Variants in CLIP4 observed in about 807,000 individuals in gnomAD.
CLIP4 encodes CAP-Gly domain containing linker protein family member 4, also known as CAP-Gly domain-containing linker protein 4.
Under a neutral mutation model 73.1 loss-of-function variants are expected in CLIP4, and 47 were observed. That is an observed-to-expected ratio of 0.64 (90% CI 0.51 to 0.82). CLIP4 has a LOEUF of 0.82. CLIP4 is among the 40% of genes least tolerant of loss of function. The pLI is 0.00. For synonymous variants in CLIP4, 306 were observed against 295.4 expected (o/e 1.04, Z -0.37); for missense variants, 874 against 852.9 (o/e 1.02, Z -0.31).
chr2:29,108,549 A>G (rs1372085964), intron 1 of CLIP4, among the ~76,000 whole-genome samples: 2 of 152,256 alleles, frequency 1.3e-5, no homozygotes, highest in Non-Finnish European at 2.9e-5. Context: ...GGTGGATGGC[A>G]GCTAACTAAA....
At chr2:29,180,996 G>A (rs1232273661) in intron 15 of CLIP4, among the ~76,000 whole-genome samples, 1 of 152,064 alleles carries the variant, frequency 6.6e-6, no homozygotes, top group Non-Finnish European at 1.5e-5. Flanking sequence ...GAGTGCAGGG[G>A]TTAGGAGTGC....
chr2:29,118,101 A>T (rs1481617079), intron 1 of CLIP4: 1 of 152,200 alleles, frequency 6.6e-6, no homozygotes, highest in Admixed American at 6.5e-5. Context: ...ATGATGACTC[A>T]TAACAAAGTA....
chr2:29,176,013 G>A lies in CLIP4; in HGVS notation c.1796+1568G>A, dbSNP rs532642619. Among the ~76,000 whole-genome samples the A allele has an allele frequency of 2.0e-5, 3 of 152,234 alleles. No homozygotes were observed. In the East Asian group the frequency reaches 5.8e-4, roughly 29 times the overall value. ...CCTGACATCATGATCTGCCCACCTT[G>A]GCCTCCCAAAGTGTTGGGATTACAG... On this transcript the variant is annotated intron_variant, in intron 15 of 15. Transcript: ENST00000320081.
chr2:29,171,954 A>T (rs1464775815), intron 14 of CLIP4, among the ~76,000 whole-genome samples: 1 of 148,878 alleles, frequency 6.7e-6, no homozygotes, highest in East Asian at 1.9e-4. Context: ...ACTTTTTTGT[A>T]CTTAATAAGT....
chr2:29,177,741 C>T (rs1207836781), intron 15 of CLIP4, among the ~76,000 whole-genome samples: 1 of 152,182 alleles, frequency 6.6e-6, no homozygotes, highest in Non-Finnish European at 1.5e-5. Context: ...TGATTCTGTA[C>T]TGTATACAGT....
In CLIP4 at chr2:29,183,578, T is replaced by C. The variant is rs1668742278; in HGVS notation, c.*1685T>C. 1 of 152,680 alleles carries C rather than the reference T, an allele frequency of 6.5e-6. No homozygotes were observed. The highest frequency in any genetic ancestry group is 6.5e-5 in the Admixed American group (1 of 15,290). The allele number at this position is 152,680 out of a possible 1,614,324, so 9.5% of individuals were successfully genotyped here. ...TATTCATAATTTTTCCTGTTAAATATAAAACACTGTAAGTTAAAAACAGTA... is the reference window on the plus strand; with the variant it reads ...TATTCATAATTTTTCCTGTTAAATACAAAACACTGTAAGTTAAAAACAGTA... On this transcript the variant is annotated 3_prime_UTR_variant, in exon 16 of 16. Transcript: ENST00000320081.
chr2:29,165,251 T>C (rs920212446), intron 13 of CLIP4, among the ~76,000 whole-genome samples: 1 of 83,824 alleles, frequency 1.2e-5, no homozygotes, highest in African/African-American at 4.3e-5. Context: ...TGGTTTGTTC[T>C]TTCTTTCTTT....
chr2:29,158,150 G>A lies in CLIP4; in HGVS notation c.1399+803G>A, dbSNP rs530401857. ...AGTAGAGAACCTGAAAGTTTTCCCT[G>A]AAATTGTTTGCCTGGAATATTTATT... On this transcript the variant is annotated intron_variant, in intron 11 of 15. Coordinates refer to ENST00000320081, the MANE Select transcript of CLIP4 (RefSeq NM_024692.6). 2.0e-5 allele frequency among the ~76,000 whole-genome samples: 3 copies of A among 152,254 alleles called. No homozygotes were observed. In the South Asian group the frequency reaches 6.2e-4, roughly 32 times the overall value.
At chr2:29,130,325 C>G (rs1354164555) in intron 2 of CLIP4, among the ~76,000 whole-genome samples, 1 of 152,036 alleles carries the variant, frequency 6.6e-6, no homozygotes, top group Non-Finnish European at 1.5e-5. Context: ...GGGAGACTTC[C>G]AAATCAAAAG....
At chr2:29,118,870 G>T (rs1481126225) in intron 1 of CLIP4, among the ~76,000 whole-genome samples, 1 of 152,070 alleles carries the variant, frequency 6.6e-6, no homozygotes, top group Non-Finnish European at 1.5e-5. Flanking sequence ...TTTATAATCA[G>T]TTATCACCAG....
intron 8 of CLIP4, among the ~76,000 whole-genome samples, chr2:29,150,643 C>CTT (rs34553625): frequency 0.013 from 1,074 of 80,228 alleles, 11 homozygotes; most frequent in African/African-American, 0.03. Flanking sequence ...TTGATTTGCT[C>CTT]TTTTTTTTTT....
At position 29,129,447 on chromosome 2, in the gene CLIP4, G is replaced by C. The variant is rs539884603; in HGVS notation, c.134-1811G>C. Among the ~76,000 whole-genome samples the C allele has an allele frequency of 1.2e-3, 188 of 151,620 alleles. 1 individual carries two copies. The highest frequency in any genetic ancestry group is 4.3e-3 in the African/African-American group (179 of 41,278). On this transcript the variant is annotated intron_variant, in intron 2 of 15. Transcript: ENST00000320081. Reference sequence around the variant, plus strand: ...ACATACATAGCTATAAGATCTCTGTGTCTGTTTGTGTATACAGACAGACAC... The same window carrying C: ...ACATACATAGCTATAAGATCTCTGTCTCTGTTTGTGTATACAGACAGACAC...
chr2:29,164,048 A>G lies in CLIP4; in HGVS notation c.1658+94A>G, dbSNP rs1471028119. The G allele has an allele frequency of 7.8e-6, 8 of 1,031,222 alleles. No homozygotes were observed. The South Asian group carries it at 8.6e-5, about 11-fold the overall frequency. The allele number at this position is 1,031,222 out of a possible 1,614,324, so 63.9% of individuals were successfully genotyped here. On this transcript the variant is annotated intron_variant, in intron 13 of 15. Coordinates refer to ENST00000320081, the MANE Select transcript of CLIP4 (RefSeq NM_024692.6). ...AATTTTATATTAAAGATATGCTCTG[A>G]TTGTAGCTCATGTCTTCTTTCAAGG... is the stretch of plus-strand genomic sequence containing the variant.
chr2:29,106,154 C>T (rs893652101), intron 1 of CLIP4, among the ~76,000 whole-genome samples: 2 of 151,624 alleles, frequency 1.3e-5, no homozygotes, highest in Admixed American at 6.6e-5. Flanking sequence ...GGATAAGTTA[C>T]TTAACTGCTC....
chr2:29,182,919 ATTTAC>A lies in CLIP4; in HGVS notation c.*1029_*1033del, dbSNP rs1202693647. ...ATATATCAGGAAGGATGTATTAGTTATTTACTTAAATGTTTATAATATCTGGATTT... is the reference window on the plus strand; with the variant it reads ...ATATATCAGGAAGGATGTATTAGTTATTAAATGTTTATAATATCTGGATTT... On this transcript the variant is annotated 3_prime_UTR_variant, in exon 16 of 16. Transcript: ENST00000320081. 2.0e-5 allele frequency: 3 copies of A among 152,618 alleles called. No individual in the cohort carries two copies. The highest frequency in any genetic ancestry group is 2.9e-5 in the Non-Finnish European group (2 of 68,040). The allele number at this position is 152,618 out of a possible 1,614,324, so 9.5% of individuals were successfully genotyped here.
intron 13 of CLIP4, 78 bp from the exon 14 acceptor site, chr2:29,167,398 T>G (rs1389150971): frequency 4.2e-6 from 4 of 957,348 alleles, no homozygotes; most frequent in African/African-American, 3.4e-5. Flanking sequence ...ACAATTGGTG[T>G]GAAAAACTTA....
chr2:29,144,612 G>C (rs1041808120), intron 7 of CLIP4, among the ~76,000 whole-genome samples: 1 of 151,736 alleles, frequency 6.6e-6, no homozygotes, highest in African/African-American at 2.4e-5. Flanking sequence ...AGGCATACGT[G>C]TGCCATGGTG....
chr2:29,101,182 T>A (rs1447531900), intron 1 of CLIP4, among the ~76,000 whole-genome samples: 7 of 150,428 alleles, frequency 4.7e-5, no homozygotes, highest in Non-Finnish European at 1.0e-4. Context: ...CCCAGCTACC[T>A]GGGAGGCTGA....
chr2:29,117,617 C>A (rs372778237), intron 1 of CLIP4, among the ~76,000 whole-genome samples: 3 of 152,224 alleles, frequency 2.0e-5, no homozygotes, highest in South Asian at 4.1e-4. Context: ...CAGGCATGAG[C>A]CACTGCACCT....
Sources: allele counts gnomAD v4.1 joint callset (sites outside exome capture counted in the v4.1 genomes callset), GRCh38; gene constraint gnomAD v4.1.1; transcripts MANE v1.5; gene names NCBI Gene and HGNC (gene_info 2026-07-23, HGNC 2026-07-21).